GABRB1: variants seen among roughly 807,000 people sequenced by gnomAD.
The protein encoded by GABRB1 is gamma-aminobutyric acid type A receptor subunit beta1, also known as gamma-aminobutyric acid receptor subunit beta-1.
GABRB1 carries 17 observed loss-of-function variants against 51.6 expected under a neutral mutation model. That is an observed-to-expected ratio of 0.33 (90% CI 0.23 to 0.49). The LOEUF is 0.49. Among genes scored for constraint, GABRB1 ranks in the 20% least tolerant of loss-of-function variants. The pLI is 0.99. For missense variants in GABRB1, 410 were observed against 600.6 expected (o/e 0.68, Z 3.32); for synonymous variants, 247 against 218.9 (o/e 1.13, Z -1.14).
At position 47,378,497 on chromosome 4, in the gene GABRB1, C is replaced by A. The variant is rs577866083; in HGVS notation, c.545-24821C>A. On this transcript the variant is annotated intron_variant, in intron 5 of 8. Transcript: ENST00000295454. ...CAGCCTCAGCCAGCCCAGGAAGGGG[C>A]TCCCACAGTGCAGCGGTGGGCTGAA... is the stretch of plus-strand genomic sequence containing the variant. Among the ~76,000 whole-genome samples, 10 of 152,326 alleles carry A rather than the reference C, an allele frequency of 6.6e-5. No homozygotes were observed. In the South Asian group the frequency reaches 1.0e-3, roughly 16 times the overall value.
intron 1 of GABRB1, among the ~76,000 whole-genome samples, chr4:47,023,298 T>G (rs1214490412): frequency 3.9e-5 from 6 of 152,068 alleles, no homozygotes; most frequent in African/African-American, 1.4e-4. Context: ...ATAATTTAAA[T>G]GTACATTTTA....
intron 4 of GABRB1, among the ~76,000 whole-genome samples, chr4:47,317,082 C>T (rs1724919361): frequency 6.6e-6 from 1 of 151,888 alleles, no homozygotes; most frequent in Admixed American, 6.6e-5. Flanking sequence ...GATGTCTTAA[C>T]CTTGGCACCA....
At chr4:47,207,370 C>G (rs1720178696) in intron 4 of GABRB1, among the ~76,000 whole-genome samples, 1 of 151,856 alleles carries the variant, frequency 6.6e-6, no homozygotes, top group African/African-American at 2.4e-5. Context: ...ATGGTGTTTC[C>G]AAAGCTGGTC....
chr4:47,043,361 G>A lies in GABRB1; in HGVS notation c.240+10877G>A, dbSNP rs557898912. 19 of 152,036 alleles carry A rather than the reference G, an allele frequency of 1.2e-4. No individual in the cohort carries two copies. The East Asian group carries it at 2.1e-3, about 17-fold the overall frequency. 9.4% of individuals were successfully genotyped at this position (152,036 alleles called of 1,614,324 possible). ...TGCCTCTTATACCTACGTAAACATT[G>A]CTACGTAAACAACATACCCCACAAG... On this transcript the variant is annotated intron_variant, in intron 3 of 8. Transcript: ENST00000295454.
chr4:47,161,655 C>T (rs1393416275), intron 4 of GABRB1, among the ~76,000 whole-genome samples, 186 bp downstream of exon 4: 5 of 152,100 alleles, frequency 3.3e-5, no homozygotes, highest in Admixed American at 2.0e-4. Context: ...TTATAGGCAA[C>T]ACATCAAAAT....
intron 4 of GABRB1, among the ~76,000 whole-genome samples, chr4:47,276,640 A>G (rs1723087444): frequency 6.6e-6 from 1 of 152,168 alleles, no homozygotes. Flanking sequence ...TTCAGAATGG[A>G]AATATTTTCC....
At chr4:47,167,010 T>C (rs1442295986) in intron 4 of GABRB1, among the ~76,000 whole-genome samples, 2 of 152,168 alleles carry the variant, frequency 1.3e-5, no homozygotes, top group East Asian at 3.9e-4. Context: ...TCTGTAGTCA[T>C]TTTCCACTGA....
intron 4 of GABRB1, among the ~76,000 whole-genome samples, chr4:47,265,235 A>T: frequency 6.6e-6 from 1 of 152,106 alleles, no homozygotes; most frequent in East Asian, 1.9e-4. Flanking sequence ...ATTTCCCTAA[A>T]GATTATAGCC....
At chr4:47,388,491 C>T (rs2110036455) in intron 5 of GABRB1, among the ~76,000 whole-genome samples, 1 of 152,236 alleles carries the variant, frequency 6.6e-6, no homozygotes, top group Admixed American at 6.5e-5. Context: ...TGGGGCTTTC[C>T]AGAGGATGCT....
chr4:47,195,417 T>C (rs1193121529), intron 4 of GABRB1, among the ~76,000 whole-genome samples: 2 of 72,164 alleles, frequency 2.8e-5, no homozygotes, highest in African/African-American at 1.2e-4. Context: ...GATAGATAGA[T>C]AGATAGATAG....
intron 3 of GABRB1, among the ~76,000 whole-genome samples, chr4:47,119,183 G>A (rs1715637920): frequency 6.6e-6 from 1 of 152,058 alleles, no homozygotes; most frequent in African/African-American, 2.4e-5. Context: ...CAAATCAGAA[G>A]GGGAAGATTG....
At chr4:47,334,427 T>C (rs570819513) in intron 5 of GABRB1, among the ~76,000 whole-genome samples, 2 of 152,240 alleles carry the variant, frequency 1.3e-5, no homozygotes, top group South Asian at 4.1e-4. Context: ...GGCAGAAAAG[T>C]CTTTTTCAAA....
At chr4:47,180,032 C>G (rs1316755533) in intron 4 of GABRB1, among the ~76,000 whole-genome samples, 1 of 151,930 alleles carries the variant, frequency 6.6e-6, no homozygotes. Context: ...ATAGCCAAAC[C>G]CAGTCTCAAA....
At chr4:47,355,137 C>T (rs750250578) in intron 5 of GABRB1, among the ~76,000 whole-genome samples, 6 of 151,692 alleles carry the variant, frequency 4.0e-5, no homozygotes, top group South Asian at 2.1e-4. Flanking sequence ...AGGGACCACA[C>T]GCCCAGCTAA....
chr4:47,021,837 T>A (rs570794530), intron 1 of GABRB1, among the ~76,000 whole-genome samples: 1 of 151,728 alleles, frequency 6.6e-6, no homozygotes, highest in African/African-American at 2.4e-5. Flanking sequence ...ATCAAAAAAA[T>A]AATAATATTA....
At chr4:47,290,284 T>C (rs1723674074) in intron 4 of GABRB1, among the ~76,000 whole-genome samples, 2 of 152,210 alleles carry the variant, frequency 1.3e-5, no homozygotes, top group Non-Finnish European at 2.9e-5. Context: ...ATGGTTATTG[T>C]AAGAGGGAGT....
At chr4:47,073,180 G>A (rs1219490239) in intron 3 of GABRB1, among the ~76,000 whole-genome samples, 6 of 152,144 alleles carry the variant, frequency 3.9e-5, no homozygotes, top group African/African-American at 1.4e-4. Flanking sequence ...GGAGGCATAA[G>A]GAAGTAAGCT....
chr4:47,029,104 TA>T (rs1725197802), upstream of GABRB1, among the ~76,000 whole-genome samples: 1 of 151,788 alleles, frequency 6.6e-6, no homozygotes, highest in South Asian at 2.1e-4. Flanking sequence ...TTCCAATTAA[TA>T]AAAATTGTTG....
At chr4:47,293,954 C>A (rs1358860957) in intron 4 of GABRB1, among the ~76,000 whole-genome samples, 1 of 152,164 alleles carries the variant, frequency 6.6e-6, no homozygotes, top group Non-Finnish European at 1.5e-5. Context: ...CTTATATATT[C>A]TTTTAACATC....
Sources: allele counts gnomAD v4.1 joint callset (sites outside exome capture counted in the v4.1 genomes callset), GRCh38; gene constraint gnomAD v4.1.1; transcripts MANE v1.5; gene names NCBI Gene and HGNC (gene_info 2026-07-23, HGNC 2026-07-21).